The following ALG1 variants were observed in gnomAD, a reference collection of about 807,000 sequenced individuals.
The protein encoded by ALG1 is chitobiosyldiphosphodolichol beta-mannosyltransferase.
A neutral mutation model predicts 55.1 loss-of-function variants in ALG1; 58 were observed. The observed-to-expected ratio is 1.05, with a 90% confidence interval of 0.85 to 1.31. The LOEUF is 1.31. Ranked by LOEUF, ALG1 falls within the 50% of genes most tolerant of loss-of-function variation. ALG1 has a pLI of 0.00. For synonymous variants in ALG1, 309 were observed against 247.0 expected (o/e 1.25, Z -2.35); for missense variants, 761 against 598.6 (o/e 1.27, Z -2.83).
chr16:5,078,859 C>T lies in ALG1; in HGVS notation c.843C>T (p.Val281=). 1.9e-6 allele frequency: 3 copies of T among 1,611,662 alleles called. No individual in the cohort carries two copies. Among genetic ancestry groups the T allele is most frequent in the Middle Eastern group, 2.2e-4 (1 of 4,526 alleles). ...TRLRERPALL[V]SSTSWTEDED... ...TCCGTGAGCGGCCAGCCCTGCTGGT[C>T]AGCAGCACGAGCTGGACAGGTCTGC... The change falls in exon 7 of 13, where the codon GTC becomes GTT. Residue 281 remains valine, a synonymous_variant. Coordinates refer to ENST00000262374, the MANE Select transcript of ALG1 (RefSeq NM_019109.5).
At position 5,075,512 on chromosome 16, in the gene ALG1, A is replaced by C; in HGVS notation, c.515A>C (p.His172Pro). ...ATGGGTCTGGTGCATGGCCCCAACC[A>C]TCCCCTCGTTCTGCTGGCCAAGTGG... ...SIMGLVHGPN[H>P]PLVLLAKWYE... is the part of the protein sequence containing the mutation. Residue 172 changes from histidine (H) to proline (P), a missense_variant, in exon 4 of 13, where the codon CAT (histidine) becomes CCT (proline). Coordinates refer to ENST00000262374, the MANE Select transcript of ALG1 (RefSeq NM_019109.5). The C allele has an allele frequency of 6.2e-7, 1 of 1,614,188 alleles. No homozygotes were observed. The highest frequency in any genetic ancestry group is 1.1e-5 in the South Asian group (1 of 91,078).
rs749328532 is a variant in ALG1 at position 5,078,737 on chromosome 16, C to CT, written c.741-13dup. The CT allele has an allele frequency of 9.9e-6, 16 of 1,612,616 alleles. No individual in the cohort carries two copies. The highest frequency in any genetic ancestry group is 2.2e-5 in the East Asian group (1 of 44,874). The stretch of plus-strand genomic sequence containing the variant: ...GGCCTGCTCTATGGCCTCTCACAGG[C>CT]TTTTTTTCTGCTCCTTCAGCTCAGA... On this transcript the variant is annotated intron_variant, in intron 6 of 12. Transcript: ENST00000262374.
At chr16:5,072,119 C>A (rs971007016) in intron 1 of ALG1, 62 bp downstream of exon 1, 1 of 1,549,796 alleles carries the variant, frequency 6.5e-7, no homozygotes. Context: ...CGGTTCTAAC[C>A]GCCCCGGGGA....
chr16:5,080,874 G>C, intron 9 of ALG1, 72 bp from the exon 10 acceptor site: 1 of 1,560,288 alleles, frequency 6.4e-7, no homozygotes, highest in Non-Finnish European at 8.7e-7. Flanking sequence ...CTAGGGGGGA[G>C]TGTCTTGGGC....
At chr16:5,079,468 T>A (rs1956978224) in intron 8 of ALG1, among the ~76,000 whole-genome samples, 1 of 152,168 alleles carries the variant, frequency 6.6e-6, no homozygotes, top group Non-Finnish European at 1.5e-5. Flanking sequence ...GGCAGGCAGA[T>A]CATCTGAGGT....
intron 4 of ALG1, 50 bp downstream of exon 4, chr16:5,075,586 A>G (rs761971144): frequency 6.2e-7 from 1 of 1,608,624 alleles, no homozygotes; most frequent in African/African-American, 1.3e-5. Flanking sequence ...CCACTCAAGG[A>G]TGAGTGAGAA....
chr16:5,084,231 C>A (rs776066930), intron 12 of ALG1: 64 of 287,342 alleles, frequency 2.2e-4, no homozygotes, highest in African/African-American at 1.2e-3. Flanking sequence ...GTTCCCCAGT[C>A]TCTGTCAGAA....
rs924123752 is a variant in ALG1 at position 5,073,111 on chromosome 16, C to T, written c.287-42C>T. On this transcript the variant is annotated intron_variant, in intron 2 of 12. Coordinates refer to ENST00000262374, the MANE Select transcript of ALG1 (RefSeq NM_019109.5). ...TCGTTTGAAAAGCCGTGCAGATTGC[C>T]AGACGCTCCTTTGGTAGTCACAGGT... 6 of 1,612,562 alleles carry T rather than the reference C, an allele frequency of 3.7e-6. No individual in the cohort carries two copies. The African/African-American group carries it at 4.0e-5, about 11-fold the overall frequency.
chr16:5,077,633 A>G, intron 5 of ALG1, 99 bp downstream of exon 5: 1 of 1,275,260 alleles, frequency 7.8e-7, no homozygotes, highest in Non-Finnish European at 1.1e-6. Context: ...GCTGAGGGGC[A>G]ATTTGAAATA....
intron 2 of ALG1, 23 bp downstream of exon 2, chr16:5,073,051 A>G: frequency 6.2e-7 from 1 of 1,613,392 alleles, no homozygotes. Flanking sequence ...CAACTCCAGA[A>G]TCCTCTGAAT....
chr16:5,073,517 A>G, intron 3 of ALG1: 2 of 527,800 alleles, frequency 3.8e-6, no homozygotes, highest in South Asian at 4.2e-5. Context: ...CAGTTACCCT[A>G]AGAAATATTG....
In ALG1 at chr16:5,073,040, T is replaced by G. The variant is rs1168471326; in HGVS notation, c.286+12T>G. 6.2e-7 allele frequency: 1 copy of G among 1,613,762 alleles called. No individual in the cohort carries two copies. Among genetic ancestry groups the G allele is most frequent in the African/African-American group, 1.3e-5 (1 of 74,908 alleles). ...TCAGAGTCTTGCAGGTAGGATGCCG[T>G]CAACTCCAGAATCCTCTGAATCCAT... On this transcript the variant is annotated intron_variant, in intron 2 of 12. Coordinates refer to ENST00000262374, the MANE Select transcript of ALG1 (RefSeq NM_019109.5).
chr16:5,072,018 G>A lies in ALG1; in HGVS notation c.169G>A (p.Ala57Thr), dbSNP rs1567165598. The change falls in exon 1 of 13, where the codon GCC becomes ACC. Residue 57 changes from alanine (A) to threonine (T), a missense_variant. Transcript: ENST00000262374. Reference protein sequence around the residue: ...PRMQYHALSLAMHGFSVTLLG... With the variant: ...PRMQYHALSLTMHGFSVTLLG... ...TATGCAGTACCACGCGCTGTCGTTG[G>A]CCATGCACGGCTTCTCGGTGACCCT... 3 of 1,596,646 alleles carry A rather than the reference G, an allele frequency of 1.9e-6. No homozygotes were observed. Among genetic ancestry groups the A allele is most frequent in the Non-Finnish European group, 2.6e-6 (3 of 1,171,342 alleles).
rs1051082443 is a variant in ALG1 at position 5,071,991 on chromosome 16, C to T, written c.142C>T (p.Arg48Cys). 1.4e-5 allele frequency: 22 copies of T among 1,597,038 alleles called. No individual in the cohort carries two copies. The highest frequency in any genetic ancestry group is 1.8e-5 in the Non-Finnish European group (21 of 1,171,820). ...VVLGDVGRSPRMQYHALSLAM... is the reference protein window; with the variant it reads ...VVLGDVGRSPCMQYHALSLAM... ...GCTGGGCGACGTGGGCCGCAGCCCC[C>T]GTATGCAGTACCACGCGCTGTCGTT... The change falls in exon 1 of 13, where the codon CGT (arginine) becomes TGT (cysteine). Residue 48 changes from arginine (R) to cysteine (C), a missense_variant. Transcript: ENST00000262374.
intron 11 of ALG1, among the ~76,000 whole-genome samples, chr16:5,083,006 G>A (rs540330534): frequency 1.3e-5 from 2 of 152,308 alleles, no homozygotes; most frequent in South Asian, 2.1e-4. Flanking sequence ...TTGCTCCTAG[G>A]GTAGAATTGG....
At chr16:5,074,402 G>A (rs182675760) in intron 3 of ALG1, among the ~76,000 whole-genome samples, 3 of 151,952 alleles carry the variant, frequency 2.0e-5, no homozygotes, top group South Asian at 2.1e-4. Context: ...CACCTGCCTC[G>A]GCCTCCCAGA....
At chr16:5,079,986 C>T (rs1056160437) in intron 9 of ALG1, among the ~76,000 whole-genome samples, 179 bp downstream of exon 9, 2 of 151,902 alleles carry the variant, frequency 1.3e-5, no homozygotes, top group Non-Finnish European at 2.9e-5. Flanking sequence ...GGCAGGGAGC[C>T]CAGATTTGAA....
Position 5,084,875 on chromosome 16 carries a change from C to T in ALG1, c.1389C>T (p.Asp463=), listed in dbSNP as rs751399360. 1.3e-6 allele frequency: 2 copies of T among 1,594,022 alleles called. No individual in the cohort carries two copies. The highest frequency in any genetic ancestry group is 2.7e-5 in the African/African-American group (2 of 74,436). ...AGACTGTGCTCCCTTTGGTTATGGA[C>T]ACATAACTCCTGGGCCAGAGGCTAA... is the stretch of plus-strand genomic sequence containing the variant. ...WVQTVLPLVM[D]T is the part of the protein sequence containing the mutation. The change falls in exon 13 of 13, where the codon GAC becomes GAT. Residue 463 remains aspartate (D), a synonymous_variant. Transcript: ENST00000262374.
chr16:5,074,106 T>TA (rs1460748471), intron 3 of ALG1, among the ~76,000 whole-genome samples: 12 of 152,020 alleles, frequency 7.9e-5, no homozygotes, highest in Non-Finnish European at 1.6e-4. Context: ...CTTTTTTTTT[T>TA]AAATCAATTT....
Sources: gnomAD v4.1 joint callset for allele counts (sites outside exome capture counted in the v4.1 genomes callset) on GRCh38, gnomAD v4.1.1 for gene constraint, MANE v1.5 for transcripts, NCBI Gene and HGNC (gene_info 2026-07-23, HGNC 2026-07-21) for gene names.